DAP: variants seen among roughly 807,000 people sequenced by gnomAD.
DAP encodes death associated protein, also known as death-associated protein 1.
Under a neutral mutation model 13.8 loss-of-function variants are expected in DAP, and 8 were observed. The observed-to-expected ratio is 0.58, with a 90% CI of 0.34 to 1.05. DAP has a LOEUF of 1.05. Among genes scored for constraint, DAP ranks in the 50% least tolerant of loss-of-function variants. The pLI is 0.03. For synonymous variants in DAP, 47 were observed against 47.5 expected, an observed-to-expected ratio of 0.99 and a Z score of 0.04; for missense variants, 106 against 133.2, an observed-to-expected ratio of 0.80 and a Z score of 1.01.
At chr5:10,745,423 T>C (rs1739874924) in intron 2 of DAP, among the ~76,000 whole-genome samples, 1 of 152,206 alleles carries the variant, frequency 6.6e-6, no homozygotes, top group Non-Finnish European at 1.5e-5. Flanking sequence ...CTCATGTGCT[T>C]TGCAAACCAT....
intron 2 of DAP, among the ~76,000 whole-genome samples, chr5:10,705,577 T>G (rs867760889): frequency 6.6e-6 from 1 of 152,244 alleles, no homozygotes; most frequent in Non-Finnish European, 1.5e-5. Context: ...CAGGGCCACA[T>G]GCCCTCATGG....
intron 2 of DAP, among the ~76,000 whole-genome samples, chr5:10,742,444 T>C (rs1739785205): frequency 6.6e-6 from 1 of 152,136 alleles, no homozygotes; most frequent in African/African-American, 2.4e-5. Flanking sequence ...GGAGAATCAC[T>C]TGAAACCGGA....
intron 2 of DAP, among the ~76,000 whole-genome samples, chr5:10,710,367 C>T (rs1187867008): frequency 6.6e-6 from 1 of 152,236 alleles, no homozygotes; most frequent in East Asian, 1.9e-4. Context: ...CACAGAATGG[C>T]CCTGGCAGAG....
At chr5:10,741,040 T>C (rs1739740348) in intron 2 of DAP, among the ~76,000 whole-genome samples, 1 of 152,206 alleles carries the variant, frequency 6.6e-6, no homozygotes, top group Non-Finnish European at 1.5e-5. Context: ...TGTTTAGTGA[T>C]GTCATGTTGT....
At chr5:10,711,854 A>T (rs1738862102) in intron 2 of DAP, among the ~76,000 whole-genome samples, 1 of 152,238 alleles carries the variant, frequency 6.6e-6, no homozygotes, top group Non-Finnish European at 1.5e-5. Context: ...GCGTGGGTAC[A>T]AAGTAATATA....
chr5:10,708,519 T>G (rs892798563), intron 2 of DAP, among the ~76,000 whole-genome samples: 2 of 151,990 alleles, frequency 1.3e-5, no homozygotes, highest in Non-Finnish European at 2.9e-5. Flanking sequence ...GATGCACTAA[T>G]CCCATGTAAT....
At chr5:10,682,704 G>A (rs568038977) in intron 3 of DAP, among the ~76,000 whole-genome samples, 5 of 152,398 alleles carry the variant, frequency 3.3e-5, no homozygotes, top group African/African-American at 1.2e-4. Context: ...GGAATGGCAG[G>A]TGGCACTGAG....
intron 2 of DAP, among the ~76,000 whole-genome samples, chr5:10,733,208 A>G (rs403238): frequency 0.013 from 468 of 35,982 alleles, 33 homozygotes; most frequent in Non-Finnish European, 0.022. Context: ...GTGTGTGTGT[A>G]TACCCTACAT....
intron 2 of DAP, among the ~76,000 whole-genome samples, chr5:10,720,912 G>A (rs777987689): frequency 7.2e-5 from 11 of 152,166 alleles, no homozygotes; most frequent in Non-Finnish European, 1.0e-4. Flanking sequence ...GTGGACTCGC[G>A]GAATGCCTTA....
At chr5:10,725,294 C>T (rs1000352579) in intron 2 of DAP, among the ~76,000 whole-genome samples, 16 of 152,216 alleles carry the variant, frequency 1.1e-4, no homozygotes, top group Admixed American at 2.0e-4. Context: ...AGTCTCCAAT[C>T]GCTAGCCTCT....
chr5:10,741,892 T>C (rs961069193), intron 2 of DAP, among the ~76,000 whole-genome samples: 6 of 152,266 alleles, frequency 3.9e-5, no homozygotes, highest in African/African-American at 1.4e-4. Flanking sequence ...CTGTACACAA[T>C]GTGCTTCTCA....
At chr5:10,752,399 GA>G (rs1421534772) in intron 1 of DAP, among the ~76,000 whole-genome samples, 1 of 152,182 alleles carries the variant, frequency 6.6e-6, no homozygotes, top group Non-Finnish European at 1.5e-5. Flanking sequence ...ACTGTCTCTA[GA>G]ACTCTTCATT....
At chr5:10,700,024 T>A (rs960157053) in intron 2 of DAP, among the ~76,000 whole-genome samples, 1 of 152,220 alleles carries the variant, frequency 6.6e-6, no homozygotes, top group Admixed American at 6.5e-5. Flanking sequence ...CGAGCTGAGA[T>A]GCACCTGGAG....
At chr5:10,687,179 A>G (rs140172444) in intron 2 of DAP, among the ~76,000 whole-genome samples, 267 of 152,298 alleles carry the variant, frequency 1.8e-3, no homozygotes, top group East Asian at 0.012. Context: ...TCAAAGTATT[A>G]CTGCTGATTT....
chr5:10,758,339 C>T (rs957730921), intron 1 of DAP, among the ~76,000 whole-genome samples: 2 of 150,874 alleles, frequency 1.3e-5, no homozygotes, highest in South Asian at 2.1e-4. Context: ...TCTAGGAAAG[C>T]GCATTTGAGG....
chr5:10,752,863 G>C (rs181474299), intron 1 of DAP, among the ~76,000 whole-genome samples: 4 of 152,338 alleles, frequency 2.6e-5, no homozygotes, highest in Admixed American at 2.6e-4. Context: ...CTGGCACACA[G>C]GATGTGCTCA....
At chr5:10,751,606 G>C (rs948754174) in intron 1 of DAP, among the ~76,000 whole-genome samples, 25 of 152,186 alleles carry the variant, frequency 1.6e-4, no homozygotes, top group African/African-American at 5.8e-4. Flanking sequence ...AAATTCATAG[G>C]TTGAAGTCCT....
intron 2 of DAP, among the ~76,000 whole-genome samples, chr5:10,730,283 C>T (rs752897060): frequency 1.5e-4 from 23 of 152,230 alleles, no homozygotes; most frequent in African/African-American, 1.7e-4. Context: ...CAAATGCCCA[C>T]GTGCAGCGAG....
At chr5:10,715,784 C>A (rs189580794) in intron 2 of DAP, among the ~76,000 whole-genome samples, 3 of 152,184 alleles carry the variant, frequency 2.0e-5, no homozygotes, top group Admixed American at 2.0e-4. Flanking sequence ...TCATTCATGC[C>A]CCCTGGCCCT....
Sources: gnomAD v4.1 joint callset for allele counts (sites outside exome capture counted in the v4.1 genomes callset) on GRCh38, gnomAD v4.1.1 for gene constraint, MANE v1.5 for transcripts, NCBI Gene and HGNC (gene_info 2026-07-23, HGNC 2026-07-21) for gene names.